The following ANO6 variants were observed in gnomAD, a reference collection of about 807,000 sequenced individuals.
The protein encoded by ANO6 is anoctamin-6.
Under a neutral mutation model 117.5 loss-of-function variants are expected in ANO6, and 106 were observed. The observed-to-expected ratio is 0.90, with a 90% CI of 0.77 to 1.06. The LOEUF (loss-of-function observed/expected upper bound fraction) is 1.06. Ranked by LOEUF, ANO6 falls within the 50% of genes least tolerant of loss-of-function variation. The pLI is 0.00. For synonymous variants in ANO6, 367 were observed against 385.1 expected (o/e 0.95, Z 0.55); for missense variants, 955 against 1,121.1 (o/e 0.85, Z 2.12).
At chr12:45,235,345 T>G (rs1270793951) in intron 1 of ANO6, among the ~76,000 whole-genome samples, 1 of 152,216 alleles carries the variant, frequency 6.6e-6, no homozygotes, top group East Asian at 1.9e-4. Context: ...TTAGTCATAT[T>G]GTGCTGTCTG....
chr12:45,288,927 T>G (rs1034765755), intron 1 of ANO6, among the ~76,000 whole-genome samples: 1 of 151,746 alleles, frequency 6.6e-6, no homozygotes, highest in Non-Finnish European at 1.5e-5. Flanking sequence ...TTTGTATTTT[T>G]TTTTTAGTAG....
chr12:45,388,549 T>C (rs1942361921), intron 11 of ANO6, among the ~76,000 whole-genome samples: 1 of 152,132 alleles, frequency 6.6e-6, no homozygotes, highest in Admixed American at 6.5e-5. Flanking sequence ...ACACAGGAGA[T>C]AAATGGGGCC....
chr12:45,218,238 A>G (rs1288583522), intron 1 of ANO6, among the ~76,000 whole-genome samples: 1 of 151,976 alleles, frequency 6.6e-6, no homozygotes, highest in Non-Finnish European at 1.5e-5. Context: ...TGGGGTCTCT[A>G]CTGTAGGGGT....
chr12:45,360,253 T>TA (rs1212035386), intron 8 of ANO6, among the ~76,000 whole-genome samples: 1 of 152,244 alleles, frequency 6.6e-6, no homozygotes, highest in African/African-American at 2.4e-5. Flanking sequence ...TTTTCATAGT[T>TA]ACAGAGGCTG....
chr12:45,260,234 G>C (rs2137208694), intron 1 of ANO6, among the ~76,000 whole-genome samples: 1 of 152,332 alleles, frequency 6.6e-6, no homozygotes, highest in African/African-American at 2.4e-5. Flanking sequence ...CTGTACAAAG[G>C]TAACCTTAAA....
At chr12:45,258,843 A>G (rs1937927899) in intron 1 of ANO6, among the ~76,000 whole-genome samples, 1 of 152,200 alleles carries the variant, frequency 6.6e-6, no homozygotes, top group African/African-American at 2.4e-5. Context: ...ACGAGCTGGA[A>G]ATAAAAGATT....
downstream of ANO6, among the ~76,000 whole-genome samples, chr12:45,437,111 C>A (rs987449598): frequency 2.0e-5 from 3 of 152,240 alleles, no homozygotes; most frequent in Non-Finnish European, 2.9e-5. Context: ...CCATGAAATT[C>A]TAGAACAGTG....
At chr12:45,401,697 A>AC in intron 12 of ANO6, 98 bp from the exon 13 acceptor site, 1 of 995,400 alleles carries the variant, frequency 1.0e-6, no homozygotes, top group Non-Finnish European at 1.6e-6. Context: ...GATTTACATC[A>AC]CTTTACACAC....
chr12:45,357,546 A>G, intron 8 of ANO6, 122 bp downstream of exon 8: 1 of 1,270,232 alleles, frequency 7.9e-7, no homozygotes, highest in Non-Finnish European at 1.1e-6. Flanking sequence ...GCTTGGGATG[A>G]TATATCCCTT....
intron 1 of ANO6, among the ~76,000 whole-genome samples, chr12:45,266,473 A>G (rs1938219182): frequency 6.6e-6 from 1 of 152,208 alleles, no homozygotes; most frequent in Non-Finnish European, 1.5e-5. Context: ...CTTGTTTTAA[A>G]CATTGGTGCC....
At chr12:45,428,989 TA>T in intron 19 of ANO6, 115 bp from the exon 20 acceptor site, 2 of 1,326,110 alleles carry the variant, frequency 1.5e-6, no homozygotes, top group Non-Finnish European at 2.1e-6. Flanking sequence ...GTTGTGTGTG[TA>T]AAATGTCCAC....
intron 11 of ANO6, among the ~76,000 whole-genome samples, chr12:45,390,059 T>C (rs1257552316): frequency 1.3e-5 from 2 of 152,306 alleles, no homozygotes; most frequent in East Asian, 1.9e-4. Flanking sequence ...TCTAGGAAAC[T>C]TTTTGTCCTG....
chr12:45,230,224 G>T (rs1947554195), intron 1 of ANO6, among the ~76,000 whole-genome samples: 1 of 152,038 alleles, frequency 6.6e-6, no homozygotes, highest in African/African-American at 2.4e-5. Flanking sequence ...TGCGTAGTAG[G>T]CAATCAGTAA....
At chr12:45,283,541 G>A (rs1938810598) in intron 1 of ANO6, among the ~76,000 whole-genome samples, 1 of 152,158 alleles carries the variant, frequency 6.6e-6, no homozygotes, top group African/African-American at 2.4e-5. Flanking sequence ...ATTGGTTGAA[G>A]GAATAAATAT....
chr12:45,235,166 G>T (rs1204184012), intron 1 of ANO6, among the ~76,000 whole-genome samples: 1 of 152,218 alleles, frequency 6.6e-6, no homozygotes, highest in Non-Finnish European at 1.5e-5. Flanking sequence ...CCAATGTGGT[G>T]CTACTTCTCC....
chr12:45,338,479 C>T (rs1940888801), intron 3 of ANO6, among the ~76,000 whole-genome samples: 1 of 152,010 alleles, frequency 6.6e-6, no homozygotes, highest in African/African-American at 2.4e-5. Context: ...ATATGGCAGC[C>T]AGTGTTGGGT....
intron 1 of ANO6, among the ~76,000 whole-genome samples, chr12:45,291,346 CA>C (rs747924513): frequency 8.2e-3 from 394 of 48,266 alleles, no homozygotes; most frequent in African/African-American, 0.019. Flanking sequence ...AACTCCGTCT[CA>C]AAAAAAAAAA....
At chr12:45,223,023 G>C (rs533537658) in intron 1 of ANO6, among the ~76,000 whole-genome samples, 162 of 152,360 alleles carry the variant, frequency 1.1e-3, no homozygotes, top group Middle Eastern at 6.8e-3. Context: ...GGTACCTGAA[G>C]GTAGCTTGCC....
chr12:45,365,480 T>C (rs1941660831), intron 8 of ANO6, among the ~76,000 whole-genome samples: 1 of 152,230 alleles, frequency 6.6e-6, no homozygotes, highest in Non-Finnish European at 1.5e-5. Context: ...ACTTTGGTGA[T>C]AGTGCTGTTC....
Sources: allele counts gnomAD v4.1 joint callset (sites outside exome capture counted in the v4.1 genomes callset), GRCh38; gene constraint gnomAD v4.1.1; transcripts MANE v1.5; gene names NCBI Gene and HGNC (gene_info 2026-07-23, HGNC 2026-07-21).